LINGO2: variants seen among roughly 807,000 people sequenced by gnomAD.
The protein encoded by LINGO2 is leucine rich repeat and Ig domain containing 2.
A neutral mutation model predicts 30.6 loss-of-function variants in LINGO2; 14 were observed. The observed-to-expected ratio is 0.46, with a 90% CI of 0.30 to 0.72. The LOEUF (loss-of-function observed/expected upper bound fraction) is 0.72, where lower values mean the gene tolerates loss of function less well. Among genes scored for constraint, LINGO2 ranks in the 30% least tolerant of loss-of-function variants. LINGO2 has a pLI of 0.07. For missense variants in LINGO2, 729 were observed against 751.7 expected, an observed-to-expected ratio of 0.97 and a Z score of 0.35; for synonymous variants, 317 against 288.5, an observed-to-expected ratio of 1.10 and a Z score of -1.00.
intron 5 of LINGO2, among the ~76,000 whole-genome samples, chr9:27,995,199 G>A (rs1821598618): frequency 1.3e-5 from 2 of 152,044 alleles, no homozygotes; most frequent in South Asian, 4.1e-4. Context: ...TAAAGAAATA[G>A]TAAATCTGAA....
At chr9:28,399,235 G>C (rs79637168) in intron 2 of LINGO2, among the ~76,000 whole-genome samples, 3,729 of 152,202 alleles carry the variant, frequency 0.025, 180 homozygotes, top group East Asian at 0.21. Flanking sequence ...CTTTCTTCTG[G>C]GGACTTAAGC....
the LINGO2 span, among the ~76,000 whole-genome samples, chr9:29,103,053 AG>A: frequency 6.6e-6 from 1 of 152,174 alleles, no homozygotes; most frequent in Admixed American, 6.6e-5. Flanking sequence ...AACAACAGTA[AG>A]GGAAACAGAA....
At chr9:28,770,127 G>C in the LINGO2 span, among the ~76,000 whole-genome samples, 1 of 152,050 alleles carries the variant, frequency 6.6e-6, no homozygotes, top group Non-Finnish European at 1.5e-5. Context: ...TCTTTCTTCA[G>C]CATGGGGTGC....
Position 28,277,126 on chromosome 9 carries a change from A to G in LINGO2, c.-87+18082T>C, listed in dbSNP as rs531746188. ...GAAGGTTAGTGGTAACCCTGTATTG[A>G]GCAAGTTTATTGGTGCCATTTTTCC... On this transcript the variant is annotated intron_variant, in intron 4 of 5. Coordinates refer to ENST00000379992, the Ensembl canonical transcript of LINGO2. 1.5e-4 allele frequency among the ~76,000 whole-genome samples: 23 copies of G among 152,128 alleles called. No individual in the cohort carries two copies. The South Asian group carries it at 2.9e-3, about 19-fold the overall frequency.
intron 3 of LINGO2, among the ~76,000 whole-genome samples, chr9:28,365,749 G>A (rs1267360140): frequency 6.9e-6 from 1 of 145,212 alleles, no homozygotes; most frequent in Non-Finnish European, 1.5e-5. Context: ...GAGGTACAAA[G>A]GAACCTTTGG....
chr9:28,345,810 T>C (rs1416249878), intron 3 of LINGO2, among the ~76,000 whole-genome samples: 2 of 152,126 alleles, frequency 1.3e-5, no homozygotes, highest in East Asian at 1.9e-4. Context: ...AGACTGTCAA[T>C]TGCTCAGTAG....
chr9:28,661,627 C>T (rs1828588683), intron 1 of LINGO2, among the ~76,000 whole-genome samples: 1 of 152,080 alleles, frequency 6.6e-6, no homozygotes, highest in Admixed American at 6.6e-5. Flanking sequence ...CATATTGAAA[C>T]ATGAAGTGGC....
chr9:28,802,922 T>C, the LINGO2 span, among the ~76,000 whole-genome samples: 1 of 152,048 alleles, frequency 6.6e-6, no homozygotes, highest in Non-Finnish European at 1.5e-5. Context: ...CTTGTCCTCA[T>C]GTCCCGGGAG....
At chr9:28,389,653 C>T (rs1245524922) in intron 2 of LINGO2, among the ~76,000 whole-genome samples, 1 of 152,164 alleles carries the variant, frequency 6.6e-6, no homozygotes, top group African/African-American at 2.4e-5. Flanking sequence ...TCATCATCTT[C>T]CTAGAAAACC....
At chr9:28,151,216 G>A (rs966680167) in intron 4 of LINGO2, among the ~76,000 whole-genome samples, 1 of 152,136 alleles carries the variant, frequency 6.6e-6, no homozygotes, top group Non-Finnish European at 1.5e-5. Flanking sequence ...TAGCAAAGAT[G>A]TTTTCATATT....
chr9:28,257,117 C>T (rs1822408331), intron 4 of LINGO2, among the ~76,000 whole-genome samples: 1 of 151,210 alleles, frequency 6.6e-6, no homozygotes, highest in Non-Finnish European at 1.5e-5. Context: ...GACATAAATG[C>T]TATAATTATT....
the LINGO2 span, among the ~76,000 whole-genome samples, chr9:28,987,080 T>TG: frequency 6.7e-3 from 1,004 of 150,822 alleles, 17 homozygotes; most frequent in African/African-American, 0.023. Flanking sequence ...AGGTTTTTTT[T>TG]TTTTTTTTTT....
At chr9:28,450,696 C>G (rs545049679) in intron 2 of LINGO2, among the ~76,000 whole-genome samples, 6 of 151,936 alleles carry the variant, frequency 3.9e-5, no homozygotes, top group Non-Finnish European at 8.8e-5. Flanking sequence ...CAATCCATGC[C>G]GTATGTCAAT....
chr9:28,475,571 T>C (rs1825699065), intron 2 of LINGO2, among the ~76,000 whole-genome samples: 1 of 152,238 alleles, frequency 6.6e-6, no homozygotes, highest in Non-Finnish European at 1.5e-5. Flanking sequence ...ATTAGTCTTA[T>C]ATCTTTAAGC....
intron 3 of LINGO2, among the ~76,000 whole-genome samples, chr9:28,297,416 G>T (rs752037620): frequency 4.6e-5 from 7 of 152,054 alleles, no homozygotes; most frequent in African/African-American, 1.7e-4. Context: ...GTTGTGCCAG[G>T]CATGGGATTT....
chr9:28,976,526 C>A, the LINGO2 span, among the ~76,000 whole-genome samples: 1 of 152,040 alleles, frequency 6.6e-6, no homozygotes, highest in African/African-American at 2.4e-5. Flanking sequence ...TGAGACTAAG[C>A]AATAAAAATT....
chr9:28,553,937 C>G (rs541067123), intron 1 of LINGO2, among the ~76,000 whole-genome samples: 5 of 152,068 alleles, frequency 3.3e-5, no homozygotes, highest in South Asian at 2.1e-4. Context: ...ACTTTACAGA[C>G]AAGCAAATGC....
the LINGO2 span, among the ~76,000 whole-genome samples, chr9:28,700,367 A>T: frequency 7.9e-5 from 12 of 152,136 alleles, no homozygotes; most frequent in South Asian, 4.2e-4. Flanking sequence ...CTTTCTCTAG[A>T]ATCTCCTATA....
At chr9:28,550,458 T>G (rs1286215451) in intron 1 of LINGO2, among the ~76,000 whole-genome samples, 1 of 151,852 alleles carries the variant, frequency 6.6e-6, no homozygotes, top group Non-Finnish European at 1.5e-5. Flanking sequence ...TCTATATAAT[T>G]ATTTCCAAGC....
Sources: gnomAD v4.1 joint callset for allele counts (sites outside exome capture counted in the v4.1 genomes callset) on GRCh38, gnomAD v4.1.1 for gene constraint, MANE v1.5 for transcripts, NCBI Gene and HGNC (gene_info 2026-07-23, HGNC 2026-07-21) for gene names.